The following CPPED1 variants were observed in gnomAD, a reference collection of about 807,000 sequenced individuals.
CPPED1 encodes calcineurin like phosphoesterase domain containing 1, also known as serine/threonine-protein phosphatase CPPED1.
In CPPED1, 28 loss-of-function variants were observed where a neutral mutation model predicts 28.0. The observed-to-expected ratio is 1.00, with a 90% CI of 0.74 to 1.37. The LOEUF (loss-of-function observed/expected upper bound fraction) is 1.37. Among genes scored for constraint, CPPED1 ranks in the 40% most tolerant of loss-of-function variants. CPPED1 has a pLI of 0.00. For missense variants in CPPED1, 504 were observed against 416.5 expected (o/e 1.21, Z -1.83); for synonymous variants, 198 against 180.2 (o/e 1.10, Z -0.79).
chr16:12,666,649 G>C (rs920635322), intron 3 of CPPED1, among the ~76,000 whole-genome samples: 1 of 152,148 alleles, frequency 6.6e-6, no homozygotes, highest in African/African-American at 2.4e-5. Flanking sequence ...GAGATGCCCA[G>C]TAGTGCCCAT....
chr16:12,781,210 G>T lies in CPPED1; in HGVS notation c.264C>A (p.Cys88Ter). Residue 88 changes from cysteine (C) to a stop codon, truncating the protein, a stop_gained, in exon 2 of 4, where the codon TGC becomes TGA. Coordinates refer to ENST00000381774, the MANE Select transcript of CPPED1 (RefSeq NM_018340.3). LOFTEE classifies it high-confidence loss of function. ...LNPKPKFFVLCGDLIHAMPGK... is the reference protein window; with the variant it reads ...LNPKPKFFVL The stretch of plus-strand genomic sequence containing the variant: ...CTGGCATGGCGTGGATGAGGTCGCC[G>T]CACAGAACGAAGAATTTGGGTTTGG... 6.2e-7 allele frequency: 1 copy of T among 1,613,428 alleles called. No individual in the cohort carries two copies. Among genetic ancestry groups the T allele is most frequent in the Non-Finnish European group, 8.5e-7 (1 of 1,179,698 alleles).
chr16:12,684,010 G>A (rs1232615414), intron 3 of CPPED1, among the ~76,000 whole-genome samples: 1 of 152,138 alleles, frequency 6.6e-6, no homozygotes, highest in South Asian at 2.1e-4. Context: ...TTCCAAGGCG[G>A]AAGAAGAGGT....
intron 1 of CPPED1, among the ~76,000 whole-genome samples, chr16:12,792,663 A>C (rs1020300640): frequency 1.3e-4 from 20 of 152,110 alleles, no homozygotes; most frequent in African/African-American, 4.8e-4. Context: ...GTGGGAGGTA[A>C]CTGAATCATG....
intron 2 of CPPED1, among the ~76,000 whole-genome samples, chr16:12,723,269 C>A (rs532070218): frequency 1.3e-5 from 2 of 152,284 alleles, no homozygotes; most frequent in African/African-American, 4.8e-5. Flanking sequence ...TGACTTCTGG[C>A]TTACTGCAAT....
chr16:12,776,376 G>T (rs1381589203), intron 2 of CPPED1, among the ~76,000 whole-genome samples: 1 of 152,168 alleles, frequency 6.6e-6, no homozygotes, highest in African/African-American at 2.4e-5. Context: ...GCAGGAACAG[G>T]AAACTAACAT....
Position 12,682,036 on chromosome 16 carries a change from C to T in CPPED1, c.716-16921G>A, listed in dbSNP as rs781577347. On this transcript the variant is annotated intron_variant, in intron 3 of 3. Transcript: ENST00000381774. This position sits in a 1 kb window ranked among gnomAD's most constrained non-coding sequence, Gnocchi z 6.1. The stretch of plus-strand genomic sequence containing the variant: ...CTCCTCCAACCCCCAGACTCACTGC[C>T]GTTTATTACTTTTTTGAGACAGTGT... Among the ~76,000 whole-genome samples, 5 of 151,956 alleles carry T rather than the reference C, an allele frequency of 3.3e-5. No homozygotes were observed. Among genetic ancestry groups the T allele is most frequent in the East Asian group, 1.9e-4 (1 of 5,172 alleles).
At chr16:12,678,237 T>C (rs2079887633) in intron 3 of CPPED1, among the ~76,000 whole-genome samples, 1 of 152,194 alleles carries the variant, frequency 6.6e-6, no homozygotes, top group Non-Finnish European at 1.5e-5. Context: ...ATTGTGTTAG[T>C]GAACACAAAA....
intron 2 of CPPED1, chr16:12,753,199 A>T (rs2080341711): frequency 6.6e-6 from 1 of 152,076 alleles, no homozygotes; most frequent in Non-Finnish European, 1.5e-5. Context: ...GTCACTCCCA[A>T]ATTCGCATGT....
chr16:12,719,994 T>A (rs1183279605), intron 2 of CPPED1, among the ~76,000 whole-genome samples: 1 of 152,120 alleles, frequency 6.6e-6, no homozygotes, highest in Non-Finnish European at 1.5e-5. Flanking sequence ...TATATGTCCA[T>A]TACACTATGT....
At chr16:12,696,053 C>T (rs1010049670) in intron 3 of CPPED1, among the ~76,000 whole-genome samples, 1 of 152,196 alleles carries the variant, frequency 6.6e-6, no homozygotes, top group African/African-American at 2.4e-5. Context: ...AGCATGCCTT[C>T]CTCATCTACC....
intron 1 of CPPED1, among the ~76,000 whole-genome samples, chr16:12,786,814 G>A (rs1376886639): frequency 6.6e-6 from 1 of 152,196 alleles, no homozygotes; most frequent in Non-Finnish European, 1.5e-5. Flanking sequence ...AGCTACTCAG[G>A]AGGCCGGAGA....
intron 2 of CPPED1, among the ~76,000 whole-genome samples, chr16:12,755,836 CAAA>C (rs1246386139): frequency 2.0e-5 from 3 of 152,084 alleles, no homozygotes; most frequent in Admixed American, 2.0e-4. Flanking sequence ...CAAGATGCCT[CAAA>C]GAATCAGAAG....
chr16:12,704,649 C>G lies in CPPED1; in HGVS notation c.690G>C (p.Lys230Asn). 6.2e-7 allele frequency: 1 copy of G among 1,611,646 alleles called. No homozygotes were observed. The highest frequency in any genetic ancestry group is 8.5e-7 in the Non-Finnish European group (1 of 1,177,982). The change falls in exon 3 of 4, where the codon AAG becomes AAC. Residue 230 changes from lysine to asparagine, a missense_variant. Transcript: ENST00000381774. ...CTGCGTGGATGAACTTGTCTGCCAA[C>G]TTCTTCCGAGTGGACTTGCTGAGGT... ...YFNLSKSTRK[K>N]LADKFIHAGV...
intron 3 of CPPED1, among the ~76,000 whole-genome samples, chr16:12,700,860 A>C (rs1021799363): frequency 6.6e-6 from 1 of 152,192 alleles, no homozygotes; most frequent in Non-Finnish European, 1.5e-5. Flanking sequence ...AATCCACCTG[A>C]CAAGTGCTGG....
At chr16:12,799,635 T>C (rs2080647217) in intron 1 of CPPED1, among the ~76,000 whole-genome samples, 1 of 152,240 alleles carries the variant, frequency 6.6e-6, no homozygotes, top group African/African-American at 2.4e-5. Context: ...CTGATGCCTC[T>C]AAGGGCACCT....
intron 2 of CPPED1, among the ~76,000 whole-genome samples, chr16:12,777,302 C>G (rs995562507): frequency 3.9e-5 from 6 of 152,164 alleles, no homozygotes; most frequent in African/African-American, 1.4e-4. Flanking sequence ...TCTAAAGGCT[C>G]AAAGGAATCT....
intron 1 of CPPED1, among the ~76,000 whole-genome samples, chr16:12,781,982 A>G (rs1268910412): frequency 2.0e-5 from 3 of 152,030 alleles, no homozygotes; most frequent in Admixed American, 2.0e-4. Flanking sequence ...GAAAAAAAAA[A>G]GAAAAAAGAA....
At chr16:12,745,754 A>G (rs1214242745) in intron 2 of CPPED1, 2 of 152,260 alleles carry the variant, frequency 1.3e-5, no homozygotes, top group Non-Finnish European at 2.9e-5. Context: ...ATGTCATAAT[A>G]TGTATAGCAA....
At chr16:12,728,262 G>C (rs1019002880) in intron 2 of CPPED1, among the ~76,000 whole-genome samples, 1 of 152,134 alleles carries the variant, frequency 6.6e-6, no homozygotes, top group African/African-American at 2.4e-5. Flanking sequence ...ATTACGTACA[G>C]TAATAAGCAT....
Sources: gnomAD v4.1 joint callset for allele counts (sites outside exome capture counted in the v4.1 genomes callset) on GRCh38, gnomAD v4.1.1 for gene constraint, Gnocchi (gnomAD v3.1) non-coding constraint, MANE v1.5 for transcripts, NCBI Gene and HGNC (gene_info 2026-07-23, HGNC 2026-07-21) for gene names.